SLC38A10: variants seen among roughly 807,000 people sequenced by gnomAD.
SLC38A10 encodes solute carrier family 38 member 10.
Under a neutral mutation model 81.0 loss-of-function variants are expected in SLC38A10, and 53 were observed. The observed-to-expected ratio is 0.65, with a 90% CI of 0.53 to 0.82. SLC38A10 has a LOEUF of 0.82. SLC38A10 is among the 40% of genes least tolerant of loss of function. SLC38A10 has a pLI of 0.00. For missense variants in SLC38A10, 1,471 were observed against 1,545.0 expected (o/e 0.95, Z 0.80); for synonymous variants, 665 against 655.3 (o/e 1.01, Z -0.23).
Position 81,281,216 on chromosome 17 carries a change from G to A in SLC38A10, c.502-483C>T, listed in dbSNP as rs745610073. Among the ~76,000 whole-genome samples the A allele has an allele frequency of 2.0e-5, 3 of 152,198 alleles. No individual in the cohort carries two copies. The highest frequency in any genetic ancestry group is 4.4e-5 in the Non-Finnish European group (3 of 68,044). On this transcript the variant is annotated intron_variant, in intron 5 of 15. Coordinates refer to ENST00000374759, the MANE Select transcript of SLC38A10 (RefSeq NM_001037984.3). The surrounding 1 kb of genome is among the most constrained non-coding windows in gnomAD (Gnocchi z 5.3). Reference sequence around the variant, plus strand: ...TGGCCCTCACTCGGAGAGCTGAGGAGCACTGGAGACCCTGGCTTCAATGAC... The same window carrying A: ...TGGCCCTCACTCGGAGAGCTGAGGAACACTGGAGACCCTGGCTTCAATGAC...
chr17:81,273,780 G>A (rs1403802268), intron 8 of SLC38A10, among the ~76,000 whole-genome samples: 4 of 152,194 alleles, frequency 2.6e-5, no homozygotes, highest in Non-Finnish European at 5.9e-5. Context: ...GGTTAGCCAC[G>A]AGAGGTCAAG....
intron 1 of SLC38A10, among the ~76,000 whole-genome samples, chr17:81,293,658 A>T (rs941934901): frequency 2.6e-5 from 4 of 152,166 alleles, no homozygotes; most frequent in African/African-American, 9.7e-5. Flanking sequence ...TTTTTTGTAG[A>T]GACGGGGTCT....
intron 8 of SLC38A10, 42 bp downstream of exon 8, chr17:81,275,927 A>G: frequency 6.3e-7 from 1 of 1,578,310 alleles, no homozygotes; most frequent in Non-Finnish European, 8.6e-7. Flanking sequence ...AGCGAGCCTG[A>G]CCTGTGCTAT....
At position 81,251,497 on chromosome 17, in the gene SLC38A10, C is replaced by A. The variant is rs1320511223; in HGVS notation, c.2061G>T (p.Leu687=). The change falls in exon 14 of 16, where the codon CTG becomes CTT. Residue 687 remains leucine (L), a synonymous_variant. Coordinates refer to ENST00000374759, the MANE Select transcript of SLC38A10 (RefSeq NM_001037984.3). ...GCTGTAGGGCGGAGGCCTTACCCTCCAGCTGGCTGGCCGCCTGGTTTCCAC... is the reference window on the plus strand; with the variant it reads ...GCTGTAGGGCGGAGGCCTTACCCTCAAGCTGGCTGGCCGCCTGGTTTCCAC... ...RAGGNQAASQ[L]EEAGRAEMLD... The A allele has an allele frequency of 6.2e-7, 1 of 1,601,208 alleles. No individual in the cohort carries two copies. The highest frequency in any genetic ancestry group is 8.5e-7 in the Non-Finnish European group (1 of 1,176,220).
In SLC38A10 at chr17:81,289,580, C is replaced by G. The variant is rs2063293705; in HGVS notation, c.217+111G>C. 4.0e-6 allele frequency: 3 copies of G among 758,896 alleles called. No homozygotes were observed. The highest frequency in any genetic ancestry group is 3.8e-6 in the Non-Finnish European group (2 of 520,394). 47.0% of individuals were successfully genotyped at this position (758,896 alleles called of 1,614,324 possible). On this transcript the variant is annotated intron_variant, in intron 2 of 15. Coordinates refer to ENST00000374759, the MANE Select transcript of SLC38A10 (RefSeq NM_001037984.3). This position sits in a 1 kb window ranked among gnomAD's most constrained non-coding sequence, Gnocchi z 5.9. The stretch of plus-strand genomic sequence containing the variant: ...ATTACATTTTAAAATAAAAAAAACC[C>G]TGCTATCCAAGGAATTCTTGAAGAA...
At chr17:81,282,154 CT>C (rs2063218145) in intron 5 of SLC38A10, 34 bp downstream of exon 5, 1 of 1,609,420 alleles carries the variant, frequency 6.2e-7, no homozygotes, top group Admixed American at 1.7e-5. Context: ...CAGGAGCAGC[CT>C]TTCAGCGGGT....
chr17:81,255,462 T>C (rs977130630), intron 11 of SLC38A10, among the ~76,000 whole-genome samples: 1 of 152,108 alleles, frequency 6.6e-6, no homozygotes, highest in Non-Finnish European at 1.5e-5. Context: ...TGAACACAGG[T>C]TGCGCAAAGA....
chr17:81,255,965 G>A (rs112774339), intron 11 of SLC38A10, among the ~76,000 whole-genome samples: 10,126 of 152,238 alleles, frequency 0.067, 385 homozygotes, highest in East Asian at 0.13. Context: ...CTGGGCGACA[G>A]AGCGAGACTC....
chr17:81,252,331 C>T lies in SLC38A10; in HGVS notation c.1809G>A (p.Leu603=). The T allele has an allele frequency of 6.2e-7, 1 of 1,612,776 alleles. No individual in the cohort carries two copies. Among genetic ancestry groups the T allele is most frequent in the Non-Finnish European group, 8.5e-7 (1 of 1,179,802 alleles). The change falls in exon 13 of 16, where the codon CTG becomes CTA. Residue 603 remains leucine, a synonymous_variant. Transcript: ENST00000374759. ...KEDLGPGDRG[L]HPRPQAVLSE... ...ACAGCACTGCCTGGGGCCGAGGATG[C>T]AGGCCCCTGTCTCCTGGCCCCAGGT...
At position 81,253,339 on chromosome 17, in the gene SLC38A10, G is replaced by T; in HGVS notation, c.1289-99C>A. The stretch of plus-strand genomic sequence containing the variant: ...TACCATATTTTCCAGCCAAATGGCA[G>T]AGTCAAAGCAGTTTCTTTTTCCTGT... On this transcript the variant is annotated intron_variant, in intron 11 of 15. Transcript: ENST00000374759. This position sits in a 1 kb window ranked among gnomAD's most constrained non-coding sequence, Gnocchi z 4.1. 1 of 1,413,984 alleles carries T rather than the reference G, an allele frequency of 7.1e-7. No individual in the cohort carries two copies. Among genetic ancestry groups the T allele is most frequent in the Non-Finnish European group, 9.5e-7 (1 of 1,052,730 alleles). 87.6% of individuals were successfully genotyped at this position (1,413,984 alleles called of 1,614,324 possible).
At chr17:81,256,954 G>A (rs184975353) in intron 11 of SLC38A10, among the ~76,000 whole-genome samples, 124 of 152,312 alleles carry the variant, frequency 8.1e-4, no homozygotes, top group African/African-American at 2.7e-3. Context: ...TTTTGCCTCC[G>A]CCGTGGCTGG....
rs564066658 is a variant in SLC38A10 at position 81,278,180 on chromosome 17, G to A, written c.627-1047C>T. ...GGCCAGCGGAGCCAAATCCCAAACC[G>A]CCTTGAAGAAAGTGAAAGAAAACAC... On this transcript the variant is annotated intron_variant, in intron 6 of 15. Coordinates refer to ENST00000374759, the MANE Select transcript of SLC38A10 (RefSeq NM_001037984.3). 9.0e-4 allele frequency among the ~76,000 whole-genome samples: 137 copies of A among 151,926 alleles called. 3 individuals carry two copies. Among genetic ancestry groups the A allele is most frequent in the African/African-American group, 3.2e-3 (131 of 41,234 alleles).
chr17:81,271,245 T>C (rs531471025), intron 9 of SLC38A10, among the ~76,000 whole-genome samples: 80 of 152,302 alleles, frequency 5.3e-4, no homozygotes, highest in African/African-American at 1.8e-3. Context: ...TCTCTGATGG[T>C]TCATCTTTAA....
chr17:81,274,900 A>C (rs1024554317), intron 8 of SLC38A10, among the ~76,000 whole-genome samples: 1 of 152,024 alleles, frequency 6.6e-6, no homozygotes. Flanking sequence ...ACCCAGCCTC[A>C]CTTTTTATTT....
Position 81,246,637 on chromosome 17 carries a change from C to T in SLC38A10, c.2279G>A (p.Arg760Lys), listed in dbSNP as rs745478226. ...VHQEPGAAVP[R>K]GQEAPEGKAR... ...CTTGCCTTCAGGGGCCTCCTGGCCT[C>T]TGGGCACCGCTGCCCCGGGCTCTTG... is the stretch of plus-strand genomic sequence containing the variant. The change falls in exon 16 of 16, where the codon AGA (arginine) becomes AAA (lysine). Residue 760 changes from arginine to lysine, a missense_variant. Coordinates refer to ENST00000374759, the MANE Select transcript of SLC38A10 (RefSeq NM_001037984.3). 1 of 1,513,176 alleles carries T rather than the reference C, an allele frequency of 6.6e-7. No individual in the cohort carries two copies. The highest frequency in any genetic ancestry group is 8.8e-7 in the Non-Finnish European group (1 of 1,133,566). 93.7% of individuals were successfully genotyped at this position (1,513,176 alleles called of 1,614,324 possible).
At chr17:81,259,251 C>T (rs1381557802) in intron 11 of SLC38A10, among the ~76,000 whole-genome samples, 1 of 152,206 alleles carries the variant, frequency 6.6e-6, no homozygotes, top group African/African-American at 2.4e-5. Flanking sequence ...TCCATAGCCG[C>T]CTGAGACCCC....
Position 81,253,383 on chromosome 17 carries a change from G to A in SLC38A10, c.1289-143C>T. 1 of 1,017,168 alleles carries A rather than the reference G, an allele frequency of 9.8e-7. No homozygotes were observed. The highest frequency in any genetic ancestry group is 1.4e-6 in the Non-Finnish European group (1 of 715,912). 63.0% of individuals were successfully genotyped at this position (1,017,168 alleles called of 1,614,324 possible). On this transcript the variant is annotated intron_variant, in intron 11 of 15. Coordinates refer to ENST00000374759, the MANE Select transcript of SLC38A10 (RefSeq NM_001037984.3). This position sits in a 1 kb window ranked among gnomAD's most constrained non-coding sequence, Gnocchi z 4.1. Reference sequence around the variant, plus strand: ...TTCCTGTTCGATCATTAGCAGCTAAGTAGCACAGAAAACTGTCATTTTTCA... The same window carrying A: ...TTCCTGTTCGATCATTAGCAGCTAAATAGCACAGAAAACTGTCATTTTTCA...
chr17:81,268,462 G>GT (rs1303930905), intron 10 of SLC38A10, among the ~76,000 whole-genome samples: 1 of 151,464 alleles, frequency 6.6e-6, no homozygotes, highest in Non-Finnish European at 1.5e-5. Flanking sequence ...CTGGAGTGCA[G>GT]TGGTGCTATC....
In SLC38A10 at chr17:81,270,816, A is replaced by G. The variant is rs2063108276; in HGVS notation, c.1131+102T>C. The G allele has an allele frequency of 6.4e-6, 6 of 934,442 alleles. No individual in the cohort carries two copies. The highest frequency in any genetic ancestry group is 2.2e-5 in the Admixed American group (1 of 45,322). The allele number at this position is 934,442 out of a possible 1,614,324, so 57.9% of individuals were successfully genotyped here. Reference sequence around the variant, plus strand: ...TGTGGGTTTTAAGTTTCTTGATAGAACCCATCTGAAAACGCTGAACCAGGG... The same window carrying G: ...TGTGGGTTTTAAGTTTCTTGATAGAGCCCATCTGAAAACGCTGAACCAGGG... On this transcript the variant is annotated intron_variant, in intron 10 of 15. Transcript: ENST00000374759. This position sits in a 1 kb window ranked among gnomAD's most constrained non-coding sequence, Gnocchi z 4.0.
Sources: gnomAD v4.1 joint callset for allele counts (sites outside exome capture counted in the v4.1 genomes callset) on GRCh38, gnomAD v4.1.1 for gene constraint, Gnocchi (gnomAD v3.1) non-coding constraint, MANE v1.5 for transcripts, NCBI Gene and HGNC (gene_info 2026-07-23, HGNC 2026-07-21) for gene names.